CSMD1: variants seen among roughly 807,000 people sequenced by gnomAD.
CSMD1 encodes CUB and Sushi multiple domains 1, also known as CUB and sushi domain-containing protein 1.
Under a neutral mutation model 417.5 loss-of-function variants are expected in CSMD1, and 213 were observed. The observed-to-expected ratio is 0.51, with a 90% CI of 0.46 to 0.57. CSMD1 has a LOEUF of 0.57. CSMD1 is among the 20% of genes least tolerant of loss of function. CSMD1 has a pLI of 0.00. For synonymous variants in CSMD1, 2,862 were observed against 1,736.8 expected, an observed-to-expected ratio of 1.65 and a Z score of -16.11; for missense variants, 6,923 against 4,529.7, an observed-to-expected ratio of 1.53 and a Z score of -15.17.
At chr8:4,324,091 C>T (rs533413404) in intron 3 of CSMD1, among the ~76,000 whole-genome samples, 10 of 152,270 alleles carry the variant, frequency 6.6e-5, no homozygotes, top group African/African-American at 2.4e-4. Context: ...ACACCTTTTA[C>T]CTTCCCAATG....
intron 5 of CSMD1, among the ~76,000 whole-genome samples, chr8:3,867,815 C>G (rs1043657105): frequency 6.6e-6 from 1 of 151,928 alleles, no homozygotes; most frequent in Non-Finnish European, 1.5e-5. Flanking sequence ...TCCAACTGAC[C>G]TTCCCTCAAT....
intron 2 of CSMD1, among the ~76,000 whole-genome samples, chr8:4,494,154 G>C (rs1387917066): frequency 6.6e-6 from 1 of 152,138 alleles, no homozygotes; most frequent in Non-Finnish European, 1.5e-5. Flanking sequence ...AGATATTGTT[G>C]TTTCAAAAAC....
chr8:4,115,457 T>A (rs569657962), intron 3 of CSMD1, among the ~76,000 whole-genome samples: 2 of 152,372 alleles, frequency 1.3e-5, no homozygotes, highest in Admixed American at 6.5e-5. Context: ...GGTATGCCTG[T>A]GTTTTTATAT....
In CSMD1 at chr8:3,583,955, C is replaced by G. The variant is rs1016776159; in HGVS notation, c.1222+2181G>C. Among the ~76,000 whole-genome samples the G allele has an allele frequency of 6.6e-5, 10 of 151,872 alleles. No individual in the cohort carries two copies. In the East Asian group the frequency reaches 1.4e-3, roughly 21 times the overall value. On this transcript the variant is annotated intron_variant, in intron 9 of 69. Coordinates refer to ENST00000635120, the MANE Select transcript of CSMD1 (RefSeq NM_033225.6). ...GAGTCCAAGATGGAGAAACGATTATCTCAAAAATATGTGAGAGCATGGCCT... is the reference window on the plus strand; with the variant it reads ...GAGTCCAAGATGGAGAAACGATTATGTCAAAAATATGTGAGAGCATGGCCT...
intron 3 of CSMD1, among the ~76,000 whole-genome samples, chr8:4,297,835 C>T (rs1239315558): frequency 1.3e-5 from 2 of 152,046 alleles, no homozygotes; most frequent in Non-Finnish European, 2.9e-5. Flanking sequence ...TCTGAATATG[C>T]CATTATATAA....
chr8:4,869,510 G>C (rs1359506897), intron 1 of CSMD1, among the ~76,000 whole-genome samples: 1 of 152,004 alleles, frequency 6.6e-6, no homozygotes, highest in Non-Finnish European at 1.5e-5. Flanking sequence ...CAAGGTAGTT[G>C]ATATCTAGGA....
intron 7 of CSMD1, among the ~76,000 whole-genome samples, chr8:3,703,316 A>G (rs1400503608): frequency 6.6e-6 from 1 of 152,224 alleles, no homozygotes; most frequent in African/African-American, 2.4e-5. Context: ...AGGCTGTGTA[A>G]AGAAGCTGAT....
intron 3 of CSMD1, among the ~76,000 whole-genome samples, chr8:4,090,576 G>A (rs745532215): frequency 6.6e-6 from 1 of 152,036 alleles, no homozygotes; most frequent in African/African-American, 2.4e-5. Flanking sequence ...AAAATATTTA[G>A]GTGTGCTCAC....
intron 1 of CSMD1, among the ~76,000 whole-genome samples, chr8:4,775,487 A>C (rs73661123): frequency 7.2e-4 from 109 of 152,366 alleles, no homozygotes; most frequent in African/African-American, 2.5e-3. Flanking sequence ...GAAGGGTATA[A>C]AATAAGCAAT....
In CSMD1 at chr8:4,903,028, T is replaced by C. The variant is rs1194994199; in HGVS notation, c.85+91304A>G. ...TATTAATAATAAATAAATAAATAAA[T>C]AAATAAATAATAAACTAAATAATAA... On this transcript the variant is annotated intron_variant, in intron 1 of 69. Transcript: ENST00000635120. 3.3e-5 allele frequency among the ~76,000 whole-genome samples: 3 copies of C among 91,966 alleles called. No individual in the cohort carries two copies. In the South Asian group the frequency reaches 9.7e-4, roughly 30 times the overall value. The allele number at this position is 91,966 out of a possible 152,430, so 60.3% of individuals were successfully genotyped here.
At chr8:3,706,522 C>G (rs36013826) in intron 7 of CSMD1, among the ~76,000 whole-genome samples, 82,061 of 152,034 alleles carry the variant, frequency 0.54, 22,290 homozygotes, top group Admixed American at 0.6. Context: ...AAAGAAAGGA[C>G]AGAACGCTAA....
chr8:3,480,791 G>C (rs752886490), intron 11 of CSMD1, among the ~76,000 whole-genome samples: 8 of 152,094 alleles, frequency 5.3e-5, no homozygotes, highest in African/African-American at 9.7e-5. Flanking sequence ...TCTATATTCA[G>C]TGAATCTATC....
At chr8:3,102,350 G>A (rs4875731) in intron 46 of CSMD1, among the ~76,000 whole-genome samples, 61,828 of 151,970 alleles carry the variant, frequency 0.41, 14,164 homozygotes, top group South Asian at 0.57. Flanking sequence ...ATCACTCTCC[G>A]GTTGTTTTAA....
At chr8:3,554,766 G>C (rs528542429) in intron 10 of CSMD1, among the ~76,000 whole-genome samples, 3 of 152,170 alleles carry the variant, frequency 2.0e-5, no homozygotes, top group Non-Finnish European at 4.4e-5. Context: ...GCGGGGGAGG[G>C]AGTAAATCTA....
chr8:4,451,903 A>C (rs1260878340), intron 2 of CSMD1, among the ~76,000 whole-genome samples: 1 of 150,884 alleles, frequency 6.6e-6, no homozygotes, highest in Admixed American at 6.6e-5. Flanking sequence ...TCCACACTAA[A>C]ATGATACCTG....
chr8:4,906,481 C>G (rs1805284453), intron 1 of CSMD1, among the ~76,000 whole-genome samples: 1 of 146,986 alleles, frequency 6.8e-6, no homozygotes. Flanking sequence ...GGAATACATC[C>G]TCTTACATGA....
At chr8:4,623,969 T>C (rs1041307480) in intron 2 of CSMD1, among the ~76,000 whole-genome samples, 1 of 152,148 alleles carries the variant, frequency 6.6e-6, no homozygotes, top group Admixed American at 6.5e-5. Flanking sequence ...ATTTTCAATA[T>C]CTGCACTTTA....
chr8:3,681,528 T>G (rs1343581530), intron 7 of CSMD1, among the ~76,000 whole-genome samples: 5 of 151,980 alleles, frequency 3.3e-5, no homozygotes, highest in Admixed American at 6.6e-5. Flanking sequence ...CACTGCTCAA[T>G]GAAATAAAAG....
intron 2 of CSMD1, among the ~76,000 whole-genome samples, chr8:4,535,756 T>C (rs1275459124): frequency 6.6e-6 from 1 of 152,214 alleles, no homozygotes; most frequent in Non-Finnish European, 1.5e-5. Context: ...TCATTGTTAA[T>C]AGGTTAGTTC....
Sources: gnomAD v4.1 joint callset for allele counts (sites outside exome capture counted in the v4.1 genomes callset) on GRCh38, gnomAD v4.1.1 for gene constraint, MANE v1.5 for transcripts, NCBI Gene and HGNC (gene_info 2026-07-23, HGNC 2026-07-21) for gene names.